The following DNAJC25 variants were observed in gnomAD, a reference collection of about 807,000 sequenced individuals.
DNAJC25 encodes the protein DnaJ heat shock protein family (Hsp40) member C25, also known as dnaJ homolog subfamily C member 25.
A neutral mutation model predicts 42.1 loss-of-function variants in DNAJC25; 26 were observed. The ratio of observed to expected loss-of-function variants is 0.62; its 90% CI spans 0.45 to 0.86. DNAJC25 has a LOEUF of 0.86. Ranked by LOEUF, DNAJC25 falls within the 40% of genes least tolerant of loss-of-function variation. DNAJC25 has a pLI of 0.00. For missense variants in DNAJC25, 404 were observed against 459.4 expected (o/e 0.88, Z 1.10); for synonymous variants, 189 against 179.9 (o/e 1.05, Z -0.40).
rs749436855 is a variant in DNAJC25 at position 111,649,894 on chromosome 9, C to A, written c.931C>A (p.Arg311=). Residue 311 remains arginine, a synonymous_variant, in exon 3 of 4, where the codon CGA becomes AGA. Coordinates refer to ENST00000313525, the MANE Select transcript of DNAJC25 (RefSeq NM_001015882.3). ...EDHQKETFLK[R]ELWIKENYEV... ...TCATCAGAAAGAAACTTTTCTTAAA[C>A]GAGAGCTCTGGATCAAGGAGAATTA... 6.3e-7 allele frequency: 1 copy of A among 1,593,240 alleles called. No homozygotes were observed. Among genetic ancestry groups the A allele is most frequent in the Non-Finnish European group, 8.5e-7 (1 of 1,173,216 alleles).
chr9:111,648,868 A>G (rs944778296), intron 2 of DNAJC25, among the ~76,000 whole-genome samples: 51 of 152,336 alleles, frequency 3.3e-4, no homozygotes, highest in African/African-American at 1.1e-3. Flanking sequence ...ATGGTTGAAT[A>G]CATTTATGAA....
In DNAJC25 at chr9:111,631,404, G is replaced by A. The variant is rs565116351; in HGVS notation, c.-4G>A. ...GGGTGGCAGAGCCGCCAGCGAGGCT[G>A]GGGATGGGGGCGCCGCTGCTCTCTC... On this transcript the variant is annotated 5_prime_UTR_variant, in exon 1 of 4. Coordinates refer to ENST00000313525, the MANE Select transcript of DNAJC25 (RefSeq NM_001015882.3). 2.3e-6 allele frequency: 3 copies of A among 1,276,856 alleles called. No homozygotes were observed. The highest frequency in any genetic ancestry group is 9.8e-7 in the Non-Finnish European group (1 of 1,015,802). The allele number at this position is 1,276,856 out of a possible 1,614,324, so 79.1% of individuals were successfully genotyped here. A position where few individuals can be genotyped will look rare whatever the true frequency, so the allele number is the denominator to read the frequency against.
At chr9:111,651,183 G>C (rs547157520) in intron 3 of DNAJC25, among the ~76,000 whole-genome samples, 1 of 148,288 alleles carries the variant, frequency 6.7e-6, no homozygotes, top group Non-Finnish European at 1.5e-5. Flanking sequence ...AGAATCACTC[G>C]AACCAGGGAG....
chr9:111,653,615 A>T lies in DNAJC25; in HGVS notation c.*393A>T, dbSNP rs992763854. The stretch of plus-strand genomic sequence containing the variant: ...AATAGTGCTACATTTTTCTGCTTTC[A>T]TGGCCTCTGTATTTTCACAAAACAC... On this transcript the variant is annotated 3_prime_UTR_variant, in exon 4 of 4. Coordinates refer to ENST00000313525, the MANE Select transcript of DNAJC25 (RefSeq NM_001015882.3). 3 of 153,074 alleles carry T rather than the reference A, an allele frequency of 2.0e-5. No homozygotes were observed. Among genetic ancestry groups the T allele is most frequent in the African/African-American group, 7.2e-5 (3 of 41,498 alleles). The allele number at this position is 153,074 out of a possible 1,614,324, so 9.5% of individuals were successfully genotyped here.
chr9:111,651,457 T>C (rs938929254), intron 3 of DNAJC25, among the ~76,000 whole-genome samples: 4 of 152,176 alleles, frequency 2.6e-5, no homozygotes, highest in African/African-American at 9.7e-5. Context: ...GTGAATTATA[T>C]GTTATTGTAT....
At chr9:111,651,807 A>G (rs1026111899) in intron 3 of DNAJC25, among the ~76,000 whole-genome samples, 7 of 150,848 alleles carry the variant, frequency 4.6e-5, no homozygotes, top group Non-Finnish European at 7.4e-5. Flanking sequence ...AGATTGTGCC[A>G]CTGTATTCCA....
chr9:111,637,850 T>C (rs752111455), intron 1 of DNAJC25, among the ~76,000 whole-genome samples: 3 of 152,272 alleles, frequency 2.0e-5, no homozygotes, highest in Non-Finnish European at 4.4e-5. Flanking sequence ...TGTCTGTTTC[T>C]CCTGTCCTCG....
At position 111,651,751 on chromosome 9, in the gene DNAJC25, G is replaced by A. The variant is rs143724567; in HGVS notation, c.961-1349G>A. The stretch of plus-strand genomic sequence containing the variant: ...AGAAAATACAAAAAATTAACTGGGC[G>A]TGGTGGTGCCTGTGGTCCTAGCTAC... On this transcript the variant is annotated intron_variant, in intron 3 of 3. Coordinates refer to ENST00000313525, the MANE Select transcript of DNAJC25 (RefSeq NM_001015882.3). 2.7e-3 allele frequency among the ~76,000 whole-genome samples: 410 copies of A among 151,636 alleles called. 3 individuals carry two copies. Among genetic ancestry groups the A allele is most frequent in the African/African-American group, 8.9e-3 (366 of 41,292 alleles).
At chr9:111,642,973 G>C (rs1286111185) in intron 1 of DNAJC25, 1 of 470,502 alleles carries the variant, frequency 2.1e-6, no homozygotes, top group Non-Finnish European at 4.4e-6. Context: ...CAAGGCTCAG[G>C]ACAGACAGGA....
intron 1 of DNAJC25, among the ~76,000 whole-genome samples, chr9:111,640,259 G>A (rs1198603097): frequency 2.0e-5 from 3 of 147,226 alleles, no homozygotes; most frequent in Admixed American, 2.0e-4. Flanking sequence ...GTGCAGTGGC[G>A]TGATCTCGGC....
At chr9:111,647,626 C>T (rs1387198730) in intron 2 of DNAJC25, among the ~76,000 whole-genome samples, 2 of 152,214 alleles carry the variant, frequency 1.3e-5, no homozygotes, top group Non-Finnish European at 2.9e-5. Flanking sequence ...CCTGGCCTAA[C>T]AAGTCCTGGC....
chr9:111,638,998 A>G (rs904168809), intron 1 of DNAJC25, among the ~76,000 whole-genome samples: 1 of 151,888 alleles, frequency 6.6e-6, no homozygotes, highest in Non-Finnish European at 1.5e-5. Context: ...ATACTTTTAT[A>G]CCCTTAACAC....
intron 3 of DNAJC25, among the ~76,000 whole-genome samples, chr9:111,651,406 C>G (rs746746996): frequency 6.6e-6 from 1 of 151,950 alleles, no homozygotes; most frequent in Non-Finnish European, 1.5e-5. Flanking sequence ...TAAAGCAGCT[C>G]AATCTGCAAA....
chr9:111,631,375 G>T lies in DNAJC25; in HGVS notation c.-33G>T. ...GCGCGCGGCTGAGTGCTGCAGAATC[G>T]CTGGGGTGGCAGAGCCGCCAGCGAG... On this transcript the variant is annotated 5_prime_UTR_variant, in exon 1 of 4. Coordinates refer to ENST00000313525, the MANE Select transcript of DNAJC25 (RefSeq NM_001015882.3). 2 of 1,272,324 alleles carry T rather than the reference G, an allele frequency of 1.6e-6. No homozygotes were observed. Among genetic ancestry groups the T allele is most frequent in the South Asian group, 6.0e-5 (2 of 33,480 alleles). The allele number at this position is 1,272,324 out of a possible 1,614,324, so 78.8% of individuals were successfully genotyped here.
chr9:111,642,979 C>T (rs1369773626), intron 1 of DNAJC25: 1 of 469,286 alleles, frequency 2.1e-6, no homozygotes, highest in Non-Finnish European at 4.4e-6. Flanking sequence ...TCAGGACAGA[C>T]AGGAGGAAGA....
chr9:111,631,898 C>T (rs1830288240), intron 1 of DNAJC25, among the ~76,000 whole-genome samples, 155 bp downstream of exon 1: 1 of 152,256 alleles, frequency 6.6e-6, no homozygotes, highest in Non-Finnish European at 1.5e-5. Flanking sequence ...CCCACGTGGC[C>T]CTGTGAAAGA....
chr9:111,641,339 TC>T (rs1830459122), intron 1 of DNAJC25, among the ~76,000 whole-genome samples: 1 of 141,108 alleles, frequency 7.1e-6, no homozygotes, highest in South Asian at 2.3e-4. Flanking sequence ...AGCCGCCCCA[TC>T]CGGGAGGGAG....
intron 1 of DNAJC25, among the ~76,000 whole-genome samples, chr9:111,639,942 C>CCGTG (rs1564083858): frequency 6.9e-6 from 1 of 145,344 alleles, no homozygotes; most frequent in African/African-American, 2.7e-5. Context: ...CCGTCTCCGT[C>CCGTG]TCCGTCTCCG....
rs1161718628 is a variant in DNAJC25, at chr9:111,640,894, G to GC, written c.337-6206dup. Among the ~76,000 whole-genome samples the GC allele has an allele frequency of 1.0e-4, 9 of 88,960 alleles. 2 individuals are homozygous for GC. The highest frequency in any genetic ancestry group is 1.4e-4 in the Non-Finnish European group (7 of 50,038). 58.4% of individuals were successfully genotyped at this position (88,960 alleles called of 152,430 possible). A position where few individuals can be genotyped will look rare whatever the true frequency, so the allele number is the denominator to read the frequency against. ...CATCCGGGAGGGAGGTGGGGGGTCAGCCCCCCCGCCCGGCCAGCCGTGCCG... is the reference window on the plus strand; with the variant it reads ...CATCCGGGAGGGAGGTGGGGGGTCAGCCCCCCCCGCCCGGCCAGCCGTGCCG... On this transcript the variant is annotated intron_variant, in intron 1 of 3. Transcript: ENST00000313525.
Sources: allele counts gnomAD v4.1 joint callset (sites outside exome capture counted in the v4.1 genomes callset), GRCh38; gene constraint gnomAD v4.1.1; transcripts MANE v1.5; gene names NCBI Gene and HGNC (gene_info 2026-07-23, HGNC 2026-07-21).